Variants in SLC5A7 observed in about 807,000 individuals in gnomAD.
SLC5A7 encodes the protein solute carrier family 5 member 7.
A neutral mutation model predicts 55.4 loss-of-function variants in SLC5A7; 19 were observed. The observed-to-expected ratio is 0.34, with a 90% CI of 0.24 to 0.50. The LOEUF is 0.50. Ranked by LOEUF, SLC5A7 falls within the 20% of genes least tolerant of loss-of-function variation. The probability of loss-of-function intolerance (pLI) is 0.98; values close to 1 mark genes in which losing one functional copy is unlikely to be tolerated. For missense variants in SLC5A7, 506 were observed against 705.3 expected (o/e 0.72, Z 3.20); for synonymous variants, 265 against 263.7 (o/e 1.00, Z -0.05).
chr2:108,001,672 C>CAAAAAA (rs71309338), intron 5 of SLC5A7, among the ~76,000 whole-genome samples: 2 of 75,392 alleles, frequency 2.7e-5, no homozygotes, highest in Non-Finnish European at 4.9e-5. Context: ...GACTCCGTCT[C>CAAAAAA]AAAAAAAAAA....
At chr2:108,008,169 G>A (rs915297421) in intron 7 of SLC5A7, among the ~76,000 whole-genome samples, 3 of 152,186 alleles carry the variant, frequency 2.0e-5, no homozygotes, top group African/African-American at 4.8e-5. Flanking sequence ...TTCTGTTTAT[G>A]AGAGTTTGTT....
chr2:107,991,300 C>T (rs992831699), intron 2 of SLC5A7, among the ~76,000 whole-genome samples: 1 of 152,092 alleles, frequency 6.6e-6, no homozygotes, highest in Admixed American at 6.6e-5. Flanking sequence ...TAGTAAATAT[C>T]TTACTAAAAG....
chr2:107,996,115 T>C (rs1677658383), intron 4 of SLC5A7, among the ~76,000 whole-genome samples: 1 of 152,120 alleles, frequency 6.6e-6, no homozygotes, highest in Admixed American at 6.5e-5. Flanking sequence ...ATTGAACTTT[T>C]CATAATTCAT....
chr2:108,003,270 T>A (rs1176627987), intron 6 of SLC5A7, among the ~76,000 whole-genome samples: 1 of 152,238 alleles, frequency 6.6e-6, no homozygotes, highest in Non-Finnish European at 1.5e-5. Flanking sequence ...TTAAGCAATT[T>A]GTCAATAATC....
At chr2:107,991,746 G>T (rs965173187) in intron 2 of SLC5A7, among the ~76,000 whole-genome samples, 2 of 152,016 alleles carry the variant, frequency 1.3e-5, no homozygotes, top group Non-Finnish European at 2.9e-5. Context: ...TGAAAATGCT[G>T]CTGACTCAAT....
rs757121838 is a variant in SLC5A7 at position 108,010,263 on chromosome 2, G to A, written c.1145G>A (p.Arg382Gln). ...ASDKEIVWVM[R>Q]ITVFVFGASA... ...GACAAAGAAATCGTTTGGGTTATGC[G>A]AATCACAGTGTTTGTGTTTGGAGCA... The change falls in exon 9 of 9, where the codon CGA becomes CAA. Residue 382 changes from arginine (R) to glutamine (Q), a missense_variant. Coordinates refer to ENST00000264047, the MANE Select transcript of SLC5A7 (RefSeq NM_021815.5). The A allele has an allele frequency of 1.9e-5, 31 of 1,613,774 alleles. No individual in the cohort carries two copies. The highest frequency in any genetic ancestry group is 2.2e-5 in the Non-Finnish European group (26 of 1,179,844).
chr2:108,009,887 T>G (rs1678250646), intron 8 of SLC5A7, among the ~76,000 whole-genome samples: 1 of 152,182 alleles, frequency 6.6e-6, no homozygotes, highest in Non-Finnish European at 1.5e-5. Flanking sequence ...ACATAAGAAC[T>G]GTTCCCTAAT....
At chr2:107,994,212 A>AT (rs1267424508) in intron 4 of SLC5A7, among the ~76,000 whole-genome samples, 1 of 152,138 alleles carries the variant, frequency 6.6e-6, no homozygotes, top group African/African-American at 2.4e-5. Flanking sequence ...GTTAGTCAGG[A>AT]TTTTTTTGAT....
At chr2:108,005,945 C>T in intron 6 of SLC5A7, 104 bp from the exon 7 acceptor site, 4 of 1,378,198 alleles carry the variant, frequency 2.9e-6, no homozygotes, top group Admixed American at 4.9e-5. Context: ...ATTTTTTTTA[C>T]TACTTCTAAG....
At position 108,010,480 on chromosome 2, in the gene SLC5A7, G is replaced by A. The variant is rs561099749; in HGVS notation, c.1362G>A (p.Leu454=). The stretch of plus-strand genomic sequence containing the variant: ...GAATAACTGGAGGGGAGCCATATCT[G>A]TATCTTCAGCCCTTGATCTTCTACC... The part of the protein sequence containing the change: ...FLRITGGEPY[L]YLQPLIFYPG... The change falls in exon 9 of 9, where the codon CTG becomes CTA. Residue 454 remains leucine, a synonymous_variant. Transcript: ENST00000264047. 181 of 1,613,920 alleles carry A rather than the reference G, an allele frequency of 1.1e-4. 4 individuals are homozygous for A. The South Asian group carries it at 1.7e-3, about 15-fold the overall frequency.
rs990082424 is a variant in SLC5A7 at position 108,012,563 on chromosome 2, T to G, written c.*1702T>G. The G allele has an allele frequency of 6.6e-6, 1 of 152,118 alleles. No homozygotes were observed. Among genetic ancestry groups the G allele is most frequent in the Non-Finnish European group, 1.5e-5 (1 of 68,022 alleles). The allele number at this position is 152,118 out of a possible 1,614,324, so 9.4% of individuals were successfully genotyped here. On this transcript the variant is annotated 3_prime_UTR_variant, in exon 9 of 9. Coordinates refer to ENST00000264047, the MANE Select transcript of SLC5A7 (RefSeq NM_021815.5). ...TTTTTAAAAGAGGAAATTAAATAAT[T>G]TTACATGTCTCATATTTTCAGTGCT...
intron 4 of SLC5A7, among the ~76,000 whole-genome samples, chr2:107,994,997 ATG>A (rs2104347718): frequency 6.6e-6 from 1 of 152,352 alleles, no homozygotes; most frequent in South Asian, 2.1e-4. Context: ...TTTTGTATAT[ATG>A]TGTGTCTGTG....
At chr2:107,992,003 C>T in intron 2 of SLC5A7, 103 bp from the exon 3 acceptor site, 1 of 592,244 alleles carries the variant, frequency 1.7e-6, no homozygotes. Flanking sequence ...AGGCTCGTCA[C>T]ATTTCAGGTG....
intron 5 of SLC5A7, among the ~76,000 whole-genome samples, chr2:108,001,023 G>A (rs977422532): frequency 6.7e-6 from 1 of 149,702 alleles, no homozygotes; most frequent in African/African-American, 2.5e-5. Flanking sequence ...TGCCTCCAAG[G>A]TTCAAGCAAT....
chr2:107,990,620 A>T lies in SLC5A7; in HGVS notation c.179-1486A>T, dbSNP rs114464684. On this transcript the variant is annotated intron_variant, in intron 2 of 8. Transcript: ENST00000264047. ...TAACACTGAGGGTAAAAGCTACAGC[A>T]AAGGTGGGAGTGATTGCTAAATACG... is the stretch of plus-strand genomic sequence containing the variant. Among the ~76,000 whole-genome samples the T allele has an allele frequency of 1.7e-3, 260 of 152,334 alleles. 2 individuals are homozygous for T. Among genetic ancestry groups the T allele is most frequent in the African/African-American group, 5.8e-3 (243 of 41,580 alleles).
intron 2 of SLC5A7, 40 bp from the exon 3 acceptor site, chr2:107,992,066 G>T: frequency 1.5e-6 from 2 of 1,362,176 alleles, no homozygotes; most frequent in South Asian, 1.2e-5. Flanking sequence ...GGTATAACAG[G>T]TAAGACAGTA....
At chr2:107,990,962 C>T (rs1031203331) in intron 2 of SLC5A7, among the ~76,000 whole-genome samples, 6 of 152,170 alleles carry the variant, frequency 3.9e-5, no homozygotes, top group African/African-American at 1.2e-4. Flanking sequence ...CTGTGACCAT[C>T]ATAACTTTAC....
At chr2:108,010,168 C>T in intron 8 of SLC5A7, 64 bp from the exon 9 acceptor site, 2 of 1,540,504 alleles carry the variant, frequency 1.3e-6, no homozygotes, top group East Asian at 2.3e-5. Context: ...AAATATGTCT[C>T]ATTCTTTGCC....
At chr2:107,995,822 C>T (rs1677649994) in intron 4 of SLC5A7, among the ~76,000 whole-genome samples, 1 of 152,110 alleles carries the variant, frequency 6.6e-6, no homozygotes, top group Admixed American at 6.6e-5. Context: ...ATTTACACTT[C>T]TAACAGCTCA....
Sources: allele counts gnomAD v4.1 joint callset (sites outside exome capture counted in the v4.1 genomes callset), GRCh38; gene constraint gnomAD v4.1.1; transcripts MANE v1.5; gene names NCBI Gene and HGNC (gene_info 2026-07-23, HGNC 2026-07-21).